Variants in ANKS1B observed in about 807,000 individuals in gnomAD.
ANKS1B encodes ankyrin repeat and sterile alpha motif domain-containing protein 1B.
ANKS1B carries 36 observed loss-of-function variants against 148.3 expected under a neutral mutation model. That is an observed-to-expected ratio of 0.24 (90% CI 0.19 to 0.32). The LOEUF is 0.32. ANKS1B is among the 10% of genes least tolerant of loss of function. ANKS1B has a pLI of 1.00. For missense variants in ANKS1B, 1,157 were observed against 1,542.6 expected, an observed-to-expected ratio of 0.75 and a Z score of 4.19; for synonymous variants, 542 against 560.8, an observed-to-expected ratio of 0.97 and a Z score of 0.47.
chr12:99,375,508 G>A (rs956778165), intron 12 of ANKS1B, among the ~76,000 whole-genome samples: 1 of 152,136 alleles, frequency 6.6e-6, no homozygotes, highest in Non-Finnish European at 1.5e-5. Context: ...TTAGCTTCAT[G>A]ACTCACCTAT....
chr12:99,540,897 CA>C (rs551598478), intron 9 of ANKS1B, among the ~76,000 whole-genome samples: 1,537 of 146,084 alleles, frequency 0.011, 33 homozygotes, highest in African/African-American at 0.037. Context: ...GTAGACTGAA[CA>C]AAAAAAAAGA....
chr12:99,910,062 ATAT>A (rs1169564733), intron 1 of ANKS1B, among the ~76,000 whole-genome samples: 2 of 152,114 alleles, frequency 1.3e-5, no homozygotes, highest in Non-Finnish European at 2.9e-5. Flanking sequence ...ATATAATAGA[ATAT>A]TATTTGCCAT....
At chr12:99,740,321 C>CAAAAACA (rs113351637) in intron 8 of ANKS1B, among the ~76,000 whole-genome samples, 64,491 of 150,106 alleles carry the variant, frequency 0.43, 14,226 homozygotes, top group South Asian at 0.6. Flanking sequence ...AAAACAAAAA[C>CAAAAACA]AAAAACAAAA....
intron 1 of ANKS1B, among the ~76,000 whole-genome samples, chr12:99,922,498 A>G (rs2094383818): frequency 6.6e-6 from 1 of 152,206 alleles, no homozygotes; most frequent in African/African-American, 2.4e-5. Flanking sequence ...ATACCAATGG[A>G]CATAATACTT....
rs114208451 is a variant in ANKS1B at position 99,644,302 on chromosome 12, T to C, written c.1272+10765A>G. Among the ~76,000 whole-genome samples the C allele has an allele frequency of 5.3e-3, 805 of 152,298 alleles. 9 individuals are homozygous for C. The highest frequency in any genetic ancestry group is 0.018 in the African/African-American group (755 of 41,562). On this transcript the variant is annotated intron_variant, in intron 9 of 26. Transcript: ENST00000683438. ...CAGAAGCACCTTTAACATTCATATGTTTATTAACATTCTCTCTACAATGAT... is the reference window on the plus strand; with the variant it reads ...CAGAAGCACCTTTAACATTCATATGCTTATTAACATTCTCTCTACAATGAT...
chr12:98,759,935 G>C (rs1032922301), intron 25 of ANKS1B, among the ~76,000 whole-genome samples: 1 of 152,008 alleles, frequency 6.6e-6, no homozygotes, highest in Non-Finnish European at 1.5e-5. Flanking sequence ...AGCCGAGGTC[G>C]CACCACTGCA....
chr12:99,763,501 T>TG (rs1001315586), intron 8 of ANKS1B, among the ~76,000 whole-genome samples: 67 of 152,100 alleles, frequency 4.4e-4, no homozygotes, highest in African/African-American at 1.6e-3. Context: ...GGGGCTTACT[T>TG]GCGGGTGTAG....
chr12:99,059,983 G>A (rs935535329), intron 16 of ANKS1B, among the ~76,000 whole-genome samples: 1 of 152,008 alleles, frequency 6.6e-6, no homozygotes, highest in Admixed American at 6.6e-5. Flanking sequence ...GGCCTGCCAG[G>A]CCAGCAGTGC....
At chr12:99,595,717 G>A (rs2097753075) in intron 9 of ANKS1B, among the ~76,000 whole-genome samples, 1 of 151,872 alleles carries the variant, frequency 6.6e-6, no homozygotes, top group Admixed American at 6.6e-5. Flanking sequence ...ACATGCCCCT[G>A]TATAATACCT....
At chr12:99,538,855 A>G (rs73147376) in intron 9 of ANKS1B, among the ~76,000 whole-genome samples, 21,266 of 152,096 alleles carry the variant, frequency 0.14, 1,687 homozygotes, top group Non-Finnish European at 0.17. Context: ...TCTCCATTCA[A>G]TGTGCTACTA....
intron 4 of ANKS1B, 49 bp from the exon 5 acceptor site, chr12:99,782,146 G>T: frequency 7.0e-7 from 1 of 1,426,998 alleles, no homozygotes; most frequent in Non-Finnish European, 9.5e-7. Context: ...CATTTGGAAT[G>T]CTTACAGGTT....
chr12:99,010,339 C>T (rs1568342936), intron 17 of ANKS1B, among the ~76,000 whole-genome samples: 1 of 152,174 alleles, frequency 6.6e-6, no homozygotes, highest in Admixed American at 6.5e-5. Context: ...GGAGTTAACA[C>T]ACATAAAATA....
At chr12:99,826,708 A>T (rs182880365) in intron 1 of ANKS1B, among the ~76,000 whole-genome samples, 1 of 152,182 alleles carries the variant, frequency 6.6e-6, no homozygotes, top group Non-Finnish European at 1.5e-5. Context: ...GTTCAATGCA[A>T]TCCCTATCAA....
intron 17 of ANKS1B, among the ~76,000 whole-genome samples, chr12:98,949,518 G>C (rs1313483006): frequency 6.6e-6 from 1 of 152,192 alleles, no homozygotes; most frequent in Non-Finnish European, 1.5e-5. Context: ...TTGGTCCAAA[G>C]TGGCTCAATC....
intron 1 of ANKS1B, among the ~76,000 whole-genome samples, chr12:99,889,809 A>T (rs2093004939): frequency 6.6e-6 from 1 of 152,248 alleles, no homozygotes; most frequent in African/African-American, 2.4e-5. Context: ...CTTAAGAAGC[A>T]TATTAAAACT....
At chr12:99,648,284 A>G (rs1402303921) in intron 9 of ANKS1B, 1 of 1,614,220 alleles carries the variant, frequency 6.2e-7, no homozygotes, top group South Asian at 1.1e-5. Flanking sequence ...AAAGGCGAGT[A>G]TACTATATTC....
chr12:99,385,161 A>G (rs572280086), intron 12 of ANKS1B, among the ~76,000 whole-genome samples: 1 of 152,320 alleles, frequency 6.6e-6, no homozygotes, highest in Non-Finnish European at 1.5e-5. Context: ...AATATATTTA[A>G]GATTAATCTT....
At chr12:99,318,214 T>C (rs147697582) in intron 12 of ANKS1B, among the ~76,000 whole-genome samples, 18 of 152,366 alleles carry the variant, frequency 1.2e-4, no homozygotes, top group African/African-American at 4.3e-4. Flanking sequence ...CTTTTTCTAT[T>C]GAATGGAATA....
rs183302218 is a variant in ANKS1B, at chr12:99,328,396, C to A, written c.1756+71235G>T. On this transcript the variant is annotated intron_variant, in intron 12 of 26. Coordinates refer to ENST00000683438, the MANE Select transcript of ANKS1B (RefSeq NM_001352186.2). ...GCATGCATGTGAGGAAATAACCCAA[C>A]ACTGGGGGAAAAAACACCTAAAAGA... Among the ~76,000 whole-genome samples the A allele has an allele frequency of 3.3e-5, 5 of 152,040 alleles. 1 individual carries two copies. The highest frequency in any genetic ancestry group is 1.2e-4 in the African/African-American group (5 of 41,522).
Sources: allele counts gnomAD v4.1 joint callset (sites outside exome capture counted in the v4.1 genomes callset), GRCh38; gene constraint gnomAD v4.1.1; transcripts MANE v1.5; gene names NCBI Gene and HGNC (gene_info 2026-07-23, HGNC 2026-07-21).